The following MYO7A variants were observed in gnomAD, a reference collection of about 807,000 sequenced individuals.
MYO7A encodes the protein myosin VIIA, also known as unconventional myosin-VIIa.
Under a neutral mutation model 263.8 loss-of-function variants are expected in MYO7A, and 210 were observed. The observed-to-expected ratio is 0.80, with a 90% CI of 0.71 to 0.89. The LOEUF (loss-of-function observed/expected upper bound fraction) is 0.89. Ranked by LOEUF, MYO7A falls within the 40% of genes least tolerant of loss-of-function variation. MYO7A has a pLI of 0.00. For synonymous variants in MYO7A, 1,239 were observed against 1,197.3 expected (o/e 1.03, Z -0.72); for missense variants, 2,820 against 2,968.3 (o/e 0.95, Z 1.16).
At chr11:77,153,119 G>A (rs1952118846) in intron 4 of MYO7A, among the ~76,000 whole-genome samples, 1 of 152,154 alleles carries the variant, frequency 6.6e-6, no homozygotes, top group Non-Finnish European at 1.5e-5. Context: ...ATGGCTCCGA[G>A]TGGAGGATAG....
rs544861880 is a variant in MYO7A at position 77,191,109 on chromosome 11, C to CA, written c.3924+240dup. ...GGCTGAGGCGGGCAGATCACAAAGT[C>CA]AGGAGTTCGAGACCAGCCTGGCTAA... On this transcript the variant is annotated intron_variant, in intron 30 of 48. Coordinates refer to ENST00000409709, the MANE Select transcript of MYO7A (RefSeq NM_000260.4). 6.0e-4 allele frequency: 248 copies of CA among 415,524 alleles called. 4 individuals are homozygous for CA. In the East Asian group the frequency reaches 9.6e-3, roughly 16 times the overall value. 25.7% of individuals were successfully genotyped at this position (415,524 alleles called of 1,614,324 possible).
At chr11:77,164,182 C>T (rs1413685938) in intron 14 of MYO7A, among the ~76,000 whole-genome samples, 12 of 152,176 alleles carry the variant, frequency 7.9e-5, no homozygotes, top group African/African-American at 2.9e-4. Flanking sequence ...GGTCAGAACA[C>T]AGGCTTATCT....
At position 77,157,023 on chromosome 11, in the gene MYO7A, G is replaced by A. The variant is rs374676778; in HGVS notation, c.735+19G>A. The stretch of plus-strand genomic sequence containing the variant: ...TCGCCAGGTGGGCCTGAGCCCCAGG[G>A]ATGCAGGAATAGACCCAGGCCCCTG... On this transcript the variant is annotated intron_variant, in intron 7 of 48. Transcript: ENST00000409709. The A allele has an allele frequency of 2.5e-6, 4 of 1,609,492 alleles. No homozygotes were observed. The highest frequency in any genetic ancestry group is 3.4e-6 in the Non-Finnish European group (4 of 1,178,226).
In MYO7A at chr11:77,130,625, A is replaced by C; in HGVS notation, c.-10A>C. ...GCCCAGTGGGCAGCAGGAGCTCCTG[A>C]CTTGGGACCATGGTGATTCTTCAGC... On this transcript the variant is annotated 5_prime_UTR_variant, in exon 2 of 49. Coordinates refer to ENST00000409709, the MANE Select transcript of MYO7A (RefSeq NM_000260.4). 2 of 1,613,228 alleles carry C rather than the reference A, an allele frequency of 1.2e-6. No homozygotes were observed. The highest frequency in any genetic ancestry group is 4.5e-5 in the East Asian group (2 of 44,852).
intron 32 of MYO7A, 73 bp from the exon 33 acceptor site, chr11:77,197,408 C>A (rs1956744215): frequency 8.3e-7 from 1 of 1,210,564 alleles, no homozygotes; most frequent in South Asian, 1.5e-5. Context: ...GGCTAGAAGG[C>A]AGCAGCAGCT....
At chr11:77,201,671 G>A (rs748938477) in intron 36 of MYO7A, 33 bp downstream of exon 36, 1 of 1,601,152 alleles carries the variant, frequency 6.2e-7, no homozygotes, top group Non-Finnish European at 8.5e-7. Flanking sequence ...ATGGGTGGGA[G>A]GTGCCATTAG....
At chr11:77,194,282 G>A in intron 31 of MYO7A, 72 bp from the exon 32 acceptor site, 3 of 1,532,664 alleles carry the variant, frequency 2.0e-6, no homozygotes, top group Non-Finnish European at 2.7e-6. Context: ...GGGGCCTGGA[G>A]CCTTTGGTGG....
In MYO7A at chr11:77,128,484, C is replaced by G. The variant is rs1950674289; in HGVS notation, c.-52C>G. On this transcript the variant is annotated 5_prime_UTR_variant, in exon 1 of 49. Coordinates refer to ENST00000409709, the MANE Select transcript of MYO7A (RefSeq NM_000260.4). ...AGGTCACTGAGAGTGGGCAGCTGGGCCCCAGGTAAGGATGGGCTGCCCACT... is the reference window on the plus strand; with the variant it reads ...AGGTCACTGAGAGTGGGCAGCTGGGGCCCAGGTAAGGATGGGCTGCCCACT... 1.3e-5 allele frequency: 2 copies of G among 152,364 alleles called. No homozygotes were observed. The highest frequency in any genetic ancestry group is 2.9e-5 in the Non-Finnish European group (2 of 68,168). 9.4% of individuals were successfully genotyped at this position (152,364 alleles called of 1,614,324 possible).
intron 24 of MYO7A, 39 bp downstream of exon 24, chr11:77,182,193 C>A: frequency 6.2e-7 from 1 of 1,608,356 alleles, no homozygotes; most frequent in Non-Finnish European, 8.5e-7. Flanking sequence ...CTGGGTGGGG[C>A]CAGGGCTGGG....
At chr11:77,185,575 AT>A (rs1440776771) in intron 27 of MYO7A, among the ~76,000 whole-genome samples, 2 of 152,120 alleles carry the variant, frequency 1.3e-5, no homozygotes, top group African/African-American at 4.8e-5. Context: ...CTTGCTATTT[AT>A]TTCCACCACA....
intron 2 of MYO7A, among the ~76,000 whole-genome samples, chr11:77,140,638 G>A (rs1352569607): frequency 6.6e-6 from 1 of 152,236 alleles, no homozygotes; most frequent in Non-Finnish European, 1.5e-5. Context: ...AGTGGGGAAG[G>A]GGAGCAGACC....
chr11:77,163,922 C>A (rs1456422959), intron 14 of MYO7A, among the ~76,000 whole-genome samples: 2 of 152,148 alleles, frequency 1.3e-5, no homozygotes, highest in Non-Finnish European at 2.9e-5. Flanking sequence ...GCTTTCAATT[C>A]TTTTGGATGG....
At chr11:77,129,378 T>C (rs1296991662) in intron 1 of MYO7A, among the ~76,000 whole-genome samples, 1 of 152,166 alleles carries the variant, frequency 6.6e-6, no homozygotes, top group Non-Finnish European at 1.5e-5. Flanking sequence ...GGCAGTGTCA[T>C]GGGCAGAGGA....
chr11:77,192,620 T>C (rs1367456077), intron 31 of MYO7A, among the ~76,000 whole-genome samples: 1 of 152,084 alleles, frequency 6.6e-6, no homozygotes, highest in East Asian at 1.9e-4. Context: ...AAATGAGAAA[T>C]ACAGCCATTC....
chr11:77,151,513 T>G (rs771737433), intron 4 of MYO7A, among the ~76,000 whole-genome samples: 52 of 152,110 alleles, frequency 3.4e-4, no homozygotes, highest in Non-Finnish European at 5.9e-4. Flanking sequence ...TGAAATTGAT[T>G]CCTGCTACAT....
Position 77,190,860 on chromosome 11 carries a change from T to G in MYO7A, c.3914T>G (p.Leu1305Arg). Residue 1305 changes from leucine (L) to arginine (R), a missense_variant, in exon 30 of 49, where the codon CTG becomes CGG. Coordinates refer to ENST00000409709, the MANE Select transcript of MYO7A (RefSeq NM_000260.4). ...DRFGFSLYIA[L>R]FDKVSSLGSG... ...TTCGGGTTCTCCCTCTACATTGCCC[T>G]GTTTGACAAGGTATGGCCGCCCGGA... is the stretch of plus-strand genomic sequence containing the variant. 1 of 1,569,214 alleles carries G rather than the reference T, an allele frequency of 6.4e-7. No individual in the cohort carries two copies. Among genetic ancestry groups the G allele is most frequent in the Non-Finnish European group, 8.7e-7 (1 of 1,154,442 alleles).
chr11:77,189,253 G>T (rs1389515793), intron 27 of MYO7A, 91 bp from the exon 28 acceptor site: 1 of 1,559,030 alleles, frequency 6.4e-7, no homozygotes, highest in Non-Finnish European at 8.7e-7. Flanking sequence ...GAGGACAGCT[G>T]TGTGGCGTCC....
intron 15 of MYO7A, among the ~76,000 whole-genome samples, chr11:77,171,558 A>G (rs377656280): frequency 6.6e-6 from 1 of 152,330 alleles, no homozygotes; most frequent in African/African-American, 2.4e-5. Flanking sequence ...CTGGTGGCAT[A>G]GTACCTAAAT....
At chr11:77,189,009 G>A (rs568667197) in intron 27 of MYO7A, among the ~76,000 whole-genome samples, 7 of 152,312 alleles carry the variant, frequency 4.6e-5, no homozygotes, top group African/African-American at 1.4e-4. Flanking sequence ...AGGCAGAGGC[G>A]GGGACTGTGC....
Sources: gnomAD v4.1 joint callset for allele counts (sites outside exome capture counted in the v4.1 genomes callset) on GRCh38, gnomAD v4.1.1 for gene constraint, MANE v1.5 for transcripts, NCBI Gene and HGNC (gene_info 2026-07-23, HGNC 2026-07-21) for gene names.